TMCO6: variants seen among roughly 807,000 people sequenced by gnomAD.
TMCO6 encodes transmembrane and coiled-coil domains 6, also known as transmembrane and coiled-coil domain-containing protein 6.
TMCO6 carries 47 observed loss-of-function variants against 61.8 expected under a neutral mutation model. The observed-to-expected ratio is 0.76, with a 90% CI of 0.60 to 0.97. The LOEUF (loss-of-function observed/expected upper bound fraction) is 0.97. Among genes scored for constraint, TMCO6 ranks in the 50% least tolerant of loss-of-function variants. The pLI is 0.00. For missense variants in TMCO6, 557 were observed against 601.6 expected (o/e 0.93, Z 0.78); for synonymous variants, 261 against 254.2 (o/e 1.03, Z -0.25).
chr5:140,629,699 C>T, the TMCO6 span, among the ~76,000 whole-genome samples: 4 of 151,964 alleles, frequency 2.6e-5, no homozygotes, highest in African/African-American at 9.7e-5. Context: ...TTTGGGAGCC[C>T]GAGGCAGGCA....
At chr5:140,613,386 T>TAAA in the TMCO6 span, among the ~76,000 whole-genome samples, 123 of 87,434 alleles carry the variant, frequency 1.4e-3, 4 homozygotes, top group African/African-American at 3.5e-3. Flanking sequence ...AGACTCTGAC[T>TAAA]AAAAAAAAAA....
Position 140,645,345 on chromosome 5 carries a change from G to T in TMCO6, c.*247G>T, listed in dbSNP as rs1421747908. The T allele has an allele frequency of 1.3e-6, 1 of 747,434 alleles. No homozygotes were observed. 46.3% of individuals were successfully genotyped at this position (747,434 alleles called of 1,614,324 possible). ...TCCCTGCCCCCCCGCCACCCTTCAT[G>T]TTTGCTTCAGCAGCTGGTAGCTTTT... On this transcript the variant is annotated 3_prime_UTR_variant, in exon 12 of 12. Transcript: ENST00000394671.
intron 11 of TMCO6, 106 bp downstream of exon 11, chr5:140,644,846 C>A (rs765200785): frequency 1.4e-4 from 220 of 1,537,864 alleles, no homozygotes; most frequent in Non-Finnish European, 1.9e-4. Flanking sequence ...GCCTGGCTAA[C>A]CTATATAGGT....
At chr5:140,632,148 T>C in the TMCO6 span, 1 of 1,614,004 alleles carries the variant, frequency 6.2e-7, no homozygotes, top group Middle Eastern at 1.7e-4. This position sits in a 1 kb window ranked among gnomAD's most constrained non-coding sequence, Gnocchi z 6.2. Context: ...ATTGAGGGAG[T>C]TCAGGGCGCT....
the TMCO6 span, among the ~76,000 whole-genome samples, chr5:140,627,830 A>G: frequency 6.6e-6 from 1 of 151,536 alleles, no homozygotes; most frequent in South Asian, 2.1e-4. Context: ...TGGGAGGCAG[A>G]GGTTGCAGTG....
At chr5:140,632,015 G>A in the TMCO6 span, 4 of 1,614,196 alleles carry the variant, frequency 2.5e-6, no homozygotes, top group Middle Eastern at 1.6e-4. This position sits in a 1 kb window ranked among gnomAD's most constrained non-coding sequence, Gnocchi z 6.2. Flanking sequence ...CCAGTGTCAG[G>A]TTATCCACCT....
chr5:140,601,793 T>G, the TMCO6 span, among the ~76,000 whole-genome samples: 1 of 152,218 alleles, frequency 6.6e-6, no homozygotes, highest in South Asian at 2.1e-4. Flanking sequence ...TTCTGTGTTT[T>G]AAGACTTCTA....
At position 140,641,748 on chromosome 5, in the gene TMCO6, G is replaced by A; in HGVS notation, c.282G>A (p.Leu94=). 1 of 1,614,218 alleles carries A rather than the reference G, an allele frequency of 6.2e-7. No individual in the cohort carries two copies. The highest frequency in any genetic ancestry group is 8.5e-7 in the Non-Finnish European group (1 of 1,180,038). ...EGALVSLRRG[L]QHPETQQTFI... ...CTCTGGTCAGCCTTCGTCGAGGCTT[G>A]CAGCACCCTGAAACACAGCAAACCT... is the stretch of plus-strand genomic sequence containing the variant. The change falls in exon 3 of 12, where the codon TTG becomes TTA. Residue 94 remains leucine, a synonymous_variant. Transcript: ENST00000394671.
the TMCO6 span, among the ~76,000 whole-genome samples, chr5:140,598,601 C>T: frequency 1.3e-5 from 2 of 152,176 alleles, no homozygotes; most frequent in African/African-American, 2.4e-5. Context: ...TTTCAGCATT[C>T]GTATCTACCA....
chr5:140,644,480 G>A (rs1055811727), intron 10 of TMCO6, 93 bp from the exon 11 acceptor site: 1 of 1,457,334 alleles, frequency 6.9e-7, no homozygotes. Flanking sequence ...TTGGCATGGT[G>A]CCTGGGCATG....
At chr5:140,620,119 G>A in the TMCO6 span, among the ~76,000 whole-genome samples, 1 of 152,104 alleles carries the variant, frequency 6.6e-6, no homozygotes, top group East Asian at 1.9e-4. Context: ...CAAAACTTGG[G>A]GGCAACTAAG....
rs757750491 is a variant in TMCO6 at position 140,642,582 on chromosome 5, C to T, written c.604-4C>T. 9.9e-6 allele frequency: 16 copies of T among 1,614,104 alleles called. No homozygotes were observed. The highest frequency in any genetic ancestry group is 1.2e-5 in the Non-Finnish European group (14 of 1,180,038). ...AGTCAGATCCTTACCCTGTCTACTT[C>T]CAGTCCCCCCATGTGGCTGTGCTGG... On this transcript the variant is annotated splice_polypyrimidine_tract_variant and splice_region_variant and intron_variant, in intron 5 of 11. Transcript: ENST00000394671.
At chr5:140,613,382 T>C in the TMCO6 span, among the ~76,000 whole-genome samples, 3 of 76,670 alleles carry the variant, frequency 3.9e-5, no homozygotes, top group African/African-American at 2.3e-4. Flanking sequence ...AGTGAGACTC[T>C]GACTAAAAAA....
At chr5:140,633,371 T>C in the TMCO6 span, 1 of 538,848 alleles carries the variant, frequency 1.9e-6, no homozygotes, top group Admixed American at 3.1e-5. Context: ...TAGGGTTCTG[T>C]GTCTCCTGGC....
the TMCO6 span, chr5:140,632,213 G>GCTGA: frequency 6.2e-7 from 1 of 1,613,580 alleles, no homozygotes; most frequent in Non-Finnish European, 8.5e-7. The surrounding 1 kb of genome is among the most constrained non-coding windows in gnomAD (Gnocchi z 6.2). Flanking sequence ...GCGAGTTGTG[G>GCTGA]CTGAGGTCTA....
chr5:140,605,653 C>T, the TMCO6 span, among the ~76,000 whole-genome samples: 10 of 150,974 alleles, frequency 6.6e-5, no homozygotes, highest in African/African-American at 2.2e-4. Context: ...GCACTCCAGC[C>T]TGGGTTACAG....
downstream of TMCO6, chr5:140,645,433 A>G: frequency 1.0e-6 from 1 of 982,622 alleles, no homozygotes; most frequent in Non-Finnish European, 1.6e-6. Flanking sequence ...TTGCACAGTA[A>G]GGGGTAGAGG....
chr5:140,622,761 AG>A, the TMCO6 span, among the ~76,000 whole-genome samples: 2 of 151,582 alleles, frequency 1.3e-5, no homozygotes, highest in African/African-American at 4.8e-5. Flanking sequence ...AAAGAGAAAA[AG>A]GCTTCTGAGC....
the TMCO6 span, among the ~76,000 whole-genome samples, chr5:140,612,334 CT>C: frequency 3.8e-3 from 424 of 112,204 alleles, no homozygotes; most frequent in African/African-American, 0.015. Flanking sequence ...CTTGCCCAAT[CT>C]TTTTTTTTTT....
Sources: allele counts gnomAD v4.1 joint callset (sites outside exome capture counted in the v4.1 genomes callset), GRCh38; gene constraint gnomAD v4.1.1; non-coding constraint Gnocchi (gnomAD v3.1); transcripts MANE v1.5; gene names NCBI Gene and HGNC (gene_info 2026-07-23, HGNC 2026-07-21).